Variants in FAM131A observed in about 807,000 individuals in gnomAD.
FAM131A encodes protein FAM131A.
A neutral mutation model predicts 39.2 loss-of-function variants in FAM131A; 24 were observed. The observed-to-expected ratio is 0.61, with a 90% CI of 0.44 to 0.86. The LOEUF is 0.86. Ranked by LOEUF, FAM131A falls within the 40% of genes least tolerant of loss-of-function variation. FAM131A has a pLI of 0.00. For missense variants in FAM131A, 373 were observed against 481.2 expected, an observed-to-expected ratio of 0.78 and a Z score of 2.10; for synonymous variants, 202 against 206.8, an observed-to-expected ratio of 0.98 and a Z score of 0.20.
At position 184,344,822 on chromosome 3, in the gene FAM131A, CGGA is replaced by C. The variant is rs754154368; in HGVS notation, c.961_963del (p.Glu321del). 3.1e-6 allele frequency: 5 copies of C among 1,611,968 alleles called. No homozygotes were observed. The highest frequency in any genetic ancestry group is 3.4e-6 in the Non-Finnish European group (4 of 1,179,878). ...CTCACAGAGTCCTGCCTTTCCCCCG[CGGA>C]GGAGGAGCCAGCCCCCTGCAAGGAC... On this transcript the variant is annotated inframe_deletion, in exon 6 of 6. Coordinates refer to ENST00000383847, the MANE Select transcript of FAM131A (RefSeq NM_144635.5).
Position 184,345,331 on chromosome 3 carries a change from G to A in FAM131A, c.*361G>A. On this transcript the variant is annotated 3_prime_UTR_variant, in exon 6 of 6. Transcript: ENST00000383847. Reference sequence around the variant, plus strand: ...TGTGACTGGGCTGTGTGAGGGTGGGGTGGGAGGGGGCCCAGCAACCCCCCA... The same window carrying A: ...TGTGACTGGGCTGTGTGAGGGTGGGATGGGAGGGGGCCCAGCAACCCCCCA... The A allele has an allele frequency of 1.7e-6, 1 of 595,014 alleles. No individual in the cohort carries two copies. The highest frequency in any genetic ancestry group is 2.0e-5 in the South Asian group (1 of 48,844). The allele number at this position is 595,014 out of a possible 1,614,324, so 36.9% of individuals were successfully genotyped here. A position where few individuals can be genotyped will look rare whatever the true frequency, so the allele number is the denominator to read the frequency against.
intron 2 of FAM131A, chr3:184,341,460 C>A: frequency 1.8e-6 from 1 of 541,268 alleles, no homozygotes; most frequent in Non-Finnish European, 3.3e-6. Flanking sequence ...GCCCTGCCTC[C>A]ATCTCCTCTG....
intron 1 of FAM131A, 120 bp downstream of exon 1, chr3:184,337,838 G>T: frequency 9.8e-7 from 1 of 1,020,634 alleles, no homozygotes. Context: ...GAAACAGGGA[G>T]AACCAGGCTG....
In FAM131A at chr3:184,342,642, G is replaced by T; in HGVS notation, c.509-102G>T. The T allele has an allele frequency of 9.8e-7, 1 of 1,016,764 alleles. No individual in the cohort carries two copies. Among genetic ancestry groups the T allele is most frequent in the Non-Finnish European group, 1.5e-6 (1 of 678,970 alleles). 63.0% of individuals were successfully genotyped at this position (1,016,764 alleles called of 1,614,324 possible). On this transcript the variant is annotated intron_variant, in intron 4 of 5. Coordinates refer to ENST00000383847, the MANE Select transcript of FAM131A (RefSeq NM_144635.5). This position sits in a 1 kb window ranked among gnomAD's most constrained non-coding sequence, Gnocchi z 4.6. ...CTTATCTCCTCGGGTCTGACATGGG[G>T]GTTGGAGTCTTCCCATACCCTGTTT...
chr3:184,337,993 G>A (rs1183486251), intron 1 of FAM131A, among the ~76,000 whole-genome samples: 1 of 152,162 alleles, frequency 6.6e-6, no homozygotes, highest in East Asian at 1.9e-4. Context: ...GAAGAGAGAA[G>A]GAAGGCAACC....
At position 184,342,002 on chromosome 3, in the gene FAM131A, T is replaced by A; in HGVS notation, c.326-64T>A. ...TCCTAACTACTGCCACCCTTCCACC[T>A]CCCTGCACCTGTGCTCCCTGGCCTG... On this transcript the variant is annotated intron_variant, in intron 3 of 5. Transcript: ENST00000383847. The surrounding 1 kb of genome is among the most constrained non-coding windows in gnomAD (Gnocchi z 4.6). 6.3e-7 allele frequency: 1 copy of A among 1,598,224 alleles called. No homozygotes were observed. The highest frequency in any genetic ancestry group is 8.6e-7 in the Non-Finnish European group (1 of 1,165,566).
In FAM131A at chr3:184,339,751, C is replaced by T. The variant is rs372921348; in HGVS notation, c.231+1222C>T. The T allele has an allele frequency of 2.9e-4, 45 of 152,566 alleles. No individual in the cohort carries two copies. In the East Asian group the frequency reaches 8.3e-3, roughly 28 times the overall value. The allele number at this position is 152,566 out of a possible 1,614,324, so 9.5% of individuals were successfully genotyped here. ...CTGGGATTACAGGCGTGAGCCACTG[C>T]GCCCGGCCTGAGAAGGGGGGTTTTA... On this transcript the variant is annotated intron_variant, in intron 2 of 5. Coordinates refer to ENST00000383847, the MANE Select transcript of FAM131A (RefSeq NM_144635.5).
rs1157226636 is a variant in FAM131A at position 184,338,476 on chromosome 3, G to T, written c.178G>T (p.Gly60Cys). The change falls in exon 2 of 6, where the codon GGC (glycine) becomes TGC (cysteine). Residue 60 changes from glycine (G) to cysteine (C), a missense_variant. Around this residue, in one of 2 missense-constraint regions of FAM131A, gnomAD observed 221 missense variants for 347.7 expected, o/e 0.64. Transcript: ENST00000383847. ...TTTGGGATCTGCTCGAACCCTCCGA[G>T]GCTGGAGCAGGTCCTCCCGCCCTTC... ...SSLGSARTLR[G>C]WSRSSRPSSV... 2.0e-6 allele frequency: 3 copies of T among 1,535,964 alleles called. No homozygotes were observed. The highest frequency in any genetic ancestry group is 2.4e-5 in the East Asian group (1 of 40,830).
upstream of FAM131A, chr3:184,335,967 C>T (rs1049271466): frequency 1.3e-5 from 2 of 152,282 alleles, no homozygotes; most frequent in African/African-American, 4.8e-5. Context: ...GCGGCGGACG[C>T]GCGGCTCCCA....
chr3:184,342,616 T>G lies in FAM131A; in HGVS notation c.509-128T>G. 1.2e-6 allele frequency: 1 copy of G among 825,320 alleles called. No homozygotes were observed. The highest frequency in any genetic ancestry group is 2.6e-5 in the Admixed American group (1 of 39,106). 51.1% of individuals were successfully genotyped at this position (825,320 alleles called of 1,614,324 possible). On this transcript the variant is annotated intron_variant, in intron 4 of 5. Transcript: ENST00000383847. This position sits in a 1 kb window ranked among gnomAD's most constrained non-coding sequence, Gnocchi z 4.6. ...CCACCACACCCGGCCAGGGCTGCTTTCTTATCTCCTCGGGTCTGACATGGG... is the reference window on the plus strand; with the variant it reads ...CCACCACACCCGGCCAGGGCTGCTTGCTTATCTCCTCGGGTCTGACATGGG...
At chr3:184,341,452 C>T (rs1727373486) in intron 2 of FAM131A, 1 of 528,072 alleles carries the variant, frequency 1.9e-6, no homozygotes, top group Admixed American at 3.3e-5. Context: ...CATTTCCTGC[C>T]CTGCCTCCAT....
rs1727424682 is a variant in FAM131A, at chr3:184,342,366, G to A, written c.508+118G>A. On this transcript the variant is annotated intron_variant, in intron 4 of 5. Transcript: ENST00000383847. This position sits in a 1 kb window ranked among gnomAD's most constrained non-coding sequence, Gnocchi z 4.6. Reference sequence around the variant, plus strand: ...TCTGTCGCCCAGGCTGGAGTGCAGTGATGCAATCTCAGCTCACTGCAACCT... The same window carrying A: ...TCTGTCGCCCAGGCTGGAGTGCAGTAATGCAATCTCAGCTCACTGCAACCT... 7.9e-6 allele frequency: 10 copies of A among 1,257,874 alleles called. No homozygotes were observed. The highest frequency in any genetic ancestry group is 1.5e-5 in the African/African-American group (1 of 66,184). The allele number at this position is 1,257,874 out of a possible 1,614,324, so 77.9% of individuals were successfully genotyped here.
intron 2 of FAM131A, chr3:184,339,823 G>A (rs1727293778): frequency 6.5e-6 from 1 of 152,938 alleles, no homozygotes; most frequent in Middle Eastern, 3.1e-3. Context: ...CTTGGAAGGA[G>A]GCAAGGGTGT....
chr3:184,340,572 AC>A (rs1727329348), intron 2 of FAM131A: 1 of 129,424 alleles, frequency 7.7e-6, no homozygotes, highest in Non-Finnish European at 1.7e-5. Context: ...TGATCCGCTC[AC>A]CTCGGCCTCC....
At chr3:184,337,429 C>T (rs1216233532), upstream of FAM131A, 4 of 586,522 alleles carry the variant, frequency 6.8e-6, no homozygotes, top group African/African-American at 1.9e-5. Context: ...CTCAGCTCCC[C>T]GAGTCCCAGA....
intron 5 of FAM131A, 108 bp from the exon 6 acceptor site, chr3:184,344,387 A>C: frequency 9.5e-7 from 1 of 1,054,688 alleles, no homozygotes; most frequent in Non-Finnish European, 1.4e-6. Flanking sequence ...CCCAGCACCT[A>C]TCCACCCCTA....
At position 184,342,975 on chromosome 3, in the gene FAM131A, C is replaced by G. The variant is rs1206450344; in HGVS notation, c.625+115C>G. 42 of 907,534 alleles carry G rather than the reference C, an allele frequency of 4.6e-5. No homozygotes were observed. The highest frequency in any genetic ancestry group is 6.9e-5 in the Non-Finnish European group (39 of 564,568). 56.2% of individuals were successfully genotyped at this position (907,534 alleles called of 1,614,324 possible). ...TTGCAAGGGGAGGGAGAGGGACAGA[C>G]TCAGTCCAGGCAGGCCTGGACACTC... On this transcript the variant is annotated intron_variant, in intron 5 of 5. Coordinates refer to ENST00000383847, the MANE Select transcript of FAM131A (RefSeq NM_144635.5). The surrounding 1 kb of genome is among the most constrained non-coding windows in gnomAD (Gnocchi z 4.6).
In FAM131A at chr3:184,342,286, C is replaced by A; in HGVS notation, c.508+38C>A. 6.5e-7 allele frequency: 1 copy of A among 1,540,136 alleles called. No individual in the cohort carries two copies. Among genetic ancestry groups the A allele is most frequent in the Non-Finnish European group, 8.7e-7 (1 of 1,148,952 alleles). On this transcript the variant is annotated intron_variant, in intron 4 of 5. Transcript: ENST00000383847. The surrounding 1 kb of genome is among the most constrained non-coding windows in gnomAD (Gnocchi z 4.6). ...AAGGGGATAAGCTACACTCTTGGCA[C>A]AGGGCTGCTTTCTTTCTTTATTTTA...
At chr3:184,340,849 C>G (rs779279697) in intron 2 of FAM131A, 6 of 152,246 alleles carry the variant, frequency 3.9e-5, no homozygotes, top group Non-Finnish European at 7.3e-5. Flanking sequence ...AGAGGGAGGA[C>G]AGACTACCAA....
Sources: gnomAD v4.1 joint callset for allele counts (sites outside exome capture counted in the v4.1 genomes callset) on GRCh38, gnomAD v4.1.1 for gene constraint, gnomAD v4.1.1 regional missense constraint, Gnocchi (gnomAD v3.1) non-coding constraint, MANE v1.5 for transcripts, NCBI Gene and HGNC (gene_info 2026-07-23, HGNC 2026-07-21) for gene names.